OR2M4: variants seen among roughly 807,000 people sequenced by gnomAD.
OR2M4 encodes olfactory receptor family 2 subfamily M member 4.
A neutral mutation model predicts 13.7 loss-of-function variants in OR2M4; 8 were observed. The ratio of observed to expected loss-of-function variants is 0.58; its 90% CI spans 0.34 to 1.05. The LOEUF (loss-of-function observed/expected upper bound fraction) is 1.05. Ranked by LOEUF, OR2M4 falls within the 50% of genes least tolerant of loss-of-function variation. The pLI, the probability that OR2M4 is intolerant of heterozygous loss-of-function variation, is 0.02. For synonymous variants in OR2M4, 152 were observed against 141.3 expected, an observed-to-expected ratio of 1.08 and a Z score of -0.53; for missense variants, 374 against 381.6, an observed-to-expected ratio of 0.98 and a Z score of 0.17.
intron 1 of OR2M4, among the ~76,000 whole-genome samples, chr1:248,236,960 T>C (rs1388904999): frequency 6.6e-6 from 1 of 152,194 alleles, no homozygotes; most frequent in Non-Finnish European, 1.5e-5. Flanking sequence ...ACCAGATGGA[T>C]TCACAACCTG....
rs1280325341 is a variant in OR2M4, at chr1:248,242,140, C to T, written c.*2276C>T. 2 of 152,112 alleles carry T rather than the reference C, an allele frequency of 1.3e-5. No homozygotes were observed. Among genetic ancestry groups the T allele is most frequent in the Admixed American group, 6.5e-5 (1 of 15,274 alleles). 9.4% of individuals were successfully genotyped at this position (152,112 alleles called of 1,614,324 possible). ...TTTATTCAATTTATACTTGTATATGCTGATTCTTCACCAATGAATTCAATT... is the reference window on the plus strand; with the variant it reads ...TTTATTCAATTTATACTTGTATATGTTGATTCTTCACCAATGAATTCAATT... On this transcript the variant is annotated 3_prime_UTR_variant, in exon 2 of 2. Coordinates refer to ENST00000641868, the MANE Select transcript of OR2M4 (RefSeq NM_017504.2).
rs146625134 is a variant in OR2M4, at chr1:248,239,393, T to C, written c.465T>C (p.Asp155=). Reference sequence around the variant, plus strand: ...CTTCCTGGACCTTGGGGTCTCTTGATGGGATCATAGTGCTTGCAGCTGTCC... The same window carrying C: ...CTTCCTGGACCTTGGGGTCTCTTGACGGGATCATAGTGCTTGCAGCTGTCC... The part of the protein sequence containing the change: ...TVASWTLGSL[D]GIIVLAAVLS... Residue 155 remains aspartate (D), a synonymous_variant, in exon 2 of 2, where the codon GAT becomes GAC. Transcript: ENST00000641868. The C allele has an allele frequency of 3.7e-6, 6 of 1,613,970 alleles. No homozygotes were observed. The African/African-American group carries it at 8.0e-5, about 22-fold the overall frequency.
Position 248,239,024 on chromosome 1 carries a change from G to A in OR2M4, c.96G>A (p.Leu32=), listed in dbSNP as rs768601543. The change falls in exon 2 of 2, where the codon CTG becomes CTA. Residue 32 remains leucine (L), a synonymous_variant. Transcript: ENST00000641868. ...PTHTFLFSLV[L]GIFSLALMEN... The stretch of plus-strand genomic sequence containing the variant: ...ACACCTTCCTTTTTTCTCTGGTCCT[G>A]GGCATCTTCTCACTGGCATTGATGG... The A allele has an allele frequency of 3.7e-6, 6 of 1,613,746 alleles. No homozygotes were observed. The Admixed American group carries it at 1.0e-4, about 27-fold the overall frequency.
rs930713974 is a variant in OR2M4 at position 248,241,105 on chromosome 1, G to A, written c.*1241G>A. 3.9e-5 allele frequency: 6 copies of A among 152,212 alleles called. No homozygotes were observed. The highest frequency in any genetic ancestry group is 3.9e-4 in the Admixed American group (6 of 15,276). 9.4% of individuals were successfully genotyped at this position (152,212 alleles called of 1,614,324 possible). A position where few individuals can be genotyped will look rare whatever the true frequency, so the allele number is the denominator to read the frequency against. On this transcript the variant is annotated 3_prime_UTR_variant, in exon 2 of 2. Transcript: ENST00000641868. ...GAGTCCTAGTGCTGAATTGGGCCCC[G>A]AGATAGTGGACTGTGCGGCGGGCAC...
intron 1 of OR2M4, among the ~76,000 whole-genome samples, chr1:248,235,097 C>T (rs959945177): frequency 6.6e-6 from 1 of 151,968 alleles, no homozygotes; most frequent in Admixed American, 6.6e-5. Flanking sequence ...TTTCCTGAAT[C>T]GTATTGCCTA....
At chr1:248,233,579 A>G (rs1488788037) in intron 1 of OR2M4, among the ~76,000 whole-genome samples, 1 of 152,236 alleles carries the variant, frequency 6.6e-6, no homozygotes, top group Non-Finnish European at 1.5e-5. Context: ...TAATCTTCAG[A>G]AAATAGTCAG....
At chr1:248,233,738 G>C (rs1666526586) in intron 1 of OR2M4, among the ~76,000 whole-genome samples, 1 of 152,102 alleles carries the variant, frequency 6.6e-6, no homozygotes, top group Non-Finnish European at 1.5e-5. Context: ...TTTGGTGGCA[G>C]TTATGTATAT....
rs897899104 is a variant in OR2M4, at chr1:248,244,457, A to G, written c.*4593A>G. ...GCAGTAACAAAAAACCAAATACTGC[A>G]TGTTCTCACTTATACATAGGAGCTA... On this transcript the variant is annotated 3_prime_UTR_variant, in exon 2 of 2. Coordinates refer to ENST00000641868, the MANE Select transcript of OR2M4 (RefSeq NM_017504.2). The G allele has an allele frequency of 1.3e-5, 2 of 152,222 alleles. No homozygotes were observed. Among genetic ancestry groups the G allele is most frequent in the Admixed American group, 6.5e-5 (1 of 15,284 alleles). The allele number at this position is 152,222 out of a possible 1,614,324, so 9.4% of individuals were successfully genotyped here. A position where few individuals can be genotyped will look rare whatever the true frequency, so the allele number is the denominator to read the frequency against.
chr1:248,239,104 T>A lies in OR2M4; in HGVS notation c.176T>A (p.Met59Lys), dbSNP rs1246336495. The A allele has an allele frequency of 1.9e-6, 3 of 1,614,072 alleles. No individual in the cohort carries two copies. Among genetic ancestry groups the A allele is most frequent in the Non-Finnish European group, 2.5e-6 (3 of 1,179,966 alleles). ...ATAGAGAAACAGCTCCACACCCCCA[T>A]GTACTTCCTCCTCAGTCAACTGTCC... ...IYIEKQLHTP[M>K]YFLLSQLSLM... Residue 59 changes from methionine to lysine, a missense_variant, in exon 2 of 2, where the codon ATG becomes AAG. Transcript: ENST00000641868.
At chr1:248,236,916 T>C (rs1268909368) in intron 1 of OR2M4, among the ~76,000 whole-genome samples, 1 of 152,136 alleles carries the variant, frequency 6.6e-6, no homozygotes, top group East Asian at 1.9e-4. Context: ...ATTGAGGCAG[T>C]ACTAAATGGC....
intron 1 of OR2M4, among the ~76,000 whole-genome samples, chr1:248,234,529 C>T (rs1666537519): frequency 6.6e-6 from 1 of 152,120 alleles, no homozygotes; most frequent in African/African-American, 2.4e-5. Context: ...CAGTTCCCAC[C>T]TATGAGTGAG....
rs866905803 is a variant in OR2M4, at chr1:248,239,592, C to G, written c.664C>G (p.Leu222Val). 2 of 1,613,936 alleles carry G rather than the reference C, an allele frequency of 1.2e-6. No individual in the cohort carries two copies. The highest frequency in any genetic ancestry group is 1.7e-6 in the Non-Finnish European group (2 of 1,180,016). Residue 222 changes from leucine (L) to valine (V), a missense_variant, in exon 2 of 2, where the codon CTT (leucine) becomes GTT (valine). Transcript: ENST00000641868. ...SVIILSYSHV[L>V]RAVIHMGSGE... ...TATCATACTTTCCTATTCCCATGTC[C>G]TTCGAGCCGTCATCCACATGGGCTC... is the stretch of plus-strand genomic sequence containing the variant.
chr1:248,243,256 T>C lies in OR2M4; in HGVS notation c.*3392T>C, dbSNP rs556715303. On this transcript the variant is annotated 3_prime_UTR_variant, in exon 2 of 2. Coordinates refer to ENST00000641868, the MANE Select transcript of OR2M4 (RefSeq NM_017504.2). ...TGTTGAAACAATATTTTGGACGTAT[T>C]AGTTTTAACTTAATTTTTGGTGTTG... 2.0e-5 allele frequency: 3 copies of C among 152,340 alleles called. No homozygotes were observed. Among genetic ancestry groups the C allele is most frequent in the African/African-American group, 7.2e-5 (3 of 41,574 alleles). 9.4% of individuals were successfully genotyped at this position (152,340 alleles called of 1,614,324 possible).
At position 248,243,762 on chromosome 1, in the gene OR2M4, C is replaced by A. The variant is rs1350086561; in HGVS notation, c.*3898C>A. 6.6e-6 allele frequency: 1 copy of A among 152,152 alleles called. No homozygotes were observed. The highest frequency in any genetic ancestry group is 1.5e-5 in the Non-Finnish European group (1 of 68,024). 9.4% of individuals were successfully genotyped at this position (152,152 alleles called of 1,614,324 possible). A position where few individuals can be genotyped will look rare whatever the true frequency, so the allele number is the denominator to read the frequency against. On this transcript the variant is annotated 3_prime_UTR_variant, in exon 2 of 2. Transcript: ENST00000641868. ...ATTATCAGCAGAGTAAACAGACAATCTACAGAATGGGAGAAGATATTAGCA... is the reference window on the plus strand; with the variant it reads ...ATTATCAGCAGAGTAAACAGACAATATACAGAATGGGAGAAGATATTAGCA...
Position 248,243,005 on chromosome 1 carries a change from C to T in OR2M4, c.*3141C>T, listed in dbSNP as rs1404947691. 1 of 151,838 alleles carries T rather than the reference C, an allele frequency of 6.6e-6. No homozygotes were observed. Among genetic ancestry groups the T allele is most frequent in the East Asian group, 1.9e-4 (1 of 5,180 alleles). 9.4% of individuals were successfully genotyped at this position (151,838 alleles called of 1,614,324 possible). On this transcript the variant is annotated 3_prime_UTR_variant, in exon 2 of 2. Coordinates refer to ENST00000641868, the MANE Select transcript of OR2M4 (RefSeq NM_017504.2). ...GACTTGAAAGAAGTTATATTGCTTA[C>T]TCAATTTAGTGATGAAAAATGTTTT...
In OR2M4 at chr1:248,239,776, C is replaced by T. The variant is rs1252890863; in HGVS notation, c.848C>T (p.Pro283Leu). 6.2e-7 allele frequency: 1 copy of T among 1,614,112 alleles called. No homozygotes were observed. The highest frequency in any genetic ancestry group is 2.2e-5 in the East Asian group (1 of 44,874). ...MVSAFYTILT[P>L]MLNPLIYSLR... Reference sequence around the variant, plus strand: ...TCGGCCTTCTACACTATTCTCACCCCTATGCTGAACCCTCTCATTTATAGC... The same window carrying T: ...TCGGCCTTCTACACTATTCTCACCCTTATGCTGAACCCTCTCATTTATAGC... Residue 283 changes from proline (P) to leucine (L), a missense_variant, in exon 2 of 2, where the codon CCT becomes CTT. Coordinates refer to ENST00000641868, the MANE Select transcript of OR2M4 (RefSeq NM_017504.2).
intron 1 of OR2M4, among the ~76,000 whole-genome samples, chr1:248,238,659 T>C (rs530416793): frequency 4.6e-5 from 7 of 152,322 alleles, no homozygotes; most frequent in African/African-American, 1.7e-4. Flanking sequence ...GAAGCTCTTA[T>C]ACACTTCAGC....
At chr1:248,231,727 C>T (rs1467051509) in intron 1 of OR2M4, 147 bp downstream of exon 1, 1 of 152,100 alleles carries the variant, frequency 6.6e-6, no homozygotes. Flanking sequence ...AAGTGTAAGC[C>T]TTCCTCAACC....
At position 248,243,255 on chromosome 1, in the gene OR2M4, T is replaced by G. The variant is rs368036756; in HGVS notation, c.*3391T>G. On this transcript the variant is annotated 3_prime_UTR_variant, in exon 2 of 2. Coordinates refer to ENST00000641868, the MANE Select transcript of OR2M4 (RefSeq NM_017504.2). The stretch of plus-strand genomic sequence containing the variant: ...CTGTTGAAACAATATTTTGGACGTA[T>G]TAGTTTTAACTTAATTTTTGGTGTT... The G allele has an allele frequency of 6.6e-6, 1 of 152,238 alleles. No individual in the cohort carries two copies. Among genetic ancestry groups the G allele is most frequent in the African/African-American group, 2.4e-5 (1 of 41,452 alleles). 9.4% of individuals were successfully genotyped at this position (152,238 alleles called of 1,614,324 possible).
Sources: allele counts gnomAD v4.1 joint callset (sites outside exome capture counted in the v4.1 genomes callset), GRCh38; gene constraint gnomAD v4.1.1; transcripts MANE v1.5; gene names NCBI Gene and HGNC (gene_info 2026-07-23, HGNC 2026-07-21).